HERC2: variants seen among roughly 807,000 people sequenced by gnomAD.
HERC2 encodes E3 ubiquitin-protein ligase HERC2.
In HERC2, 102 loss-of-function variants were observed where a neutral mutation model predicts 537.7. The observed-to-expected ratio is 0.19, with a 90% confidence interval of 0.16 to 0.22. The LOEUF is 0.22. HERC2 is among the 10% of genes least tolerant of loss of function. The pLI, the probability that HERC2 is intolerant of heterozygous loss-of-function variation, is 1.00. For synonymous variants in HERC2, 2,224 were observed against 2,466.2 expected (o/e 0.90, Z 2.91); for missense variants, 4,236 against 6,198.2 (o/e 0.68, Z 10.63).
chr15:28,164,510 T>C (rs1384390809), intron 68 of HERC2, among the ~76,000 whole-genome samples: 1 of 151,972 alleles, frequency 6.6e-6, no homozygotes, highest in Non-Finnish European at 1.5e-5. Context: ...AGAATATCTT[T>C]AGTCTTGAGA....
chr15:28,301,174 G>A (rs1458387122), intron 2 of HERC2, among the ~76,000 whole-genome samples: 1 of 151,854 alleles, frequency 6.6e-6, no homozygotes, highest in African/African-American at 2.4e-5. Context: ...TAGCATTTTG[G>A]GAGGCTGAGG....
intron 19 of HERC2, among the ~76,000 whole-genome samples, chr15:28,255,111 G>A (rs1279400467): frequency 6.6e-6 from 1 of 152,136 alleles, no homozygotes; most frequent in African/African-American, 2.4e-5. Flanking sequence ...CAAGGTGGGG[G>A]GATCACTGGA....
At chr15:28,190,200 T>C (rs1214927372) in intron 55 of HERC2, 1 of 147,714 alleles carries the variant, frequency 6.8e-6, no homozygotes, top group Non-Finnish European at 1.5e-5. Flanking sequence ...TTTTTTTTTT[T>C]AGTAGAGACG....
Position 28,274,314 on chromosome 15 carries a change from C to T in HERC2, c.777G>A (p.Arg259=). 6.2e-7 allele frequency: 1 copy of T among 1,614,210 alleles called. No individual in the cohort carries two copies. ...VWLEVVERAT[R]FLRSVVTGDV... is the part of the protein sequence containing the mutation. ...ACCCCGTCACGACGGACCTGAGGAA[C>T]CTGGTCGCTCTCTCCACCACCTCCA... The change falls in exon 7 of 93, where the codon AGG becomes AGA. Residue 259 remains arginine, a synonymous_variant. Transcript: ENST00000261609.
chr15:28,194,117 G>A (rs1897110948), intron 52 of HERC2, among the ~76,000 whole-genome samples: 1 of 150,358 alleles, frequency 6.7e-6, no homozygotes. Context: ...CCAGGCTGGA[G>A]TGCAGTGGCA....
At chr15:28,273,977 G>A (rs2075805396) in intron 7 of HERC2, among the ~76,000 whole-genome samples, 1 of 152,158 alleles carries the variant, frequency 6.6e-6, no homozygotes, top group South Asian at 2.1e-4. Context: ...CAGAACAGCA[G>A]CTCCTAATCA....
intron 2 of HERC2, among the ~76,000 whole-genome samples, chr15:28,303,995 G>T (rs1185506228): frequency 6.6e-6 from 1 of 151,864 alleles, no homozygotes; most frequent in African/African-American, 2.4e-5. Context: ...GTGAAACCCT[G>T]TCTCTACTAA....
chr15:28,116,994 G>A lies in HERC2; in HGVS notation c.13414+19C>T, dbSNP rs780191675. Reference sequence around the variant, plus strand: ...CACTGCCGGGGACACAGGTGCTCCAGCACGTGGCAAGTTCTCACCCACAAA... The same window carrying A: ...CACTGCCGGGGACACAGGTGCTCCAACACGTGGCAAGTTCTCACCCACAAA... On this transcript the variant is annotated intron_variant, in intron 87 of 92. Coordinates refer to ENST00000261609, the MANE Select transcript of HERC2 (RefSeq NM_004667.6). 1 of 1,613,994 alleles carries A rather than the reference G, an allele frequency of 6.2e-7. No individual in the cohort carries two copies. Among genetic ancestry groups the A allele is most frequent in the East Asian group, 2.2e-5 (1 of 44,866 alleles).
chr15:28,225,696 C>CAAAAAAAAAAAAAAAAAAAAAA (rs35629645), intron 35 of HERC2, among the ~76,000 whole-genome samples: 1 of 58,828 alleles, frequency 1.7e-5, no homozygotes, highest in African/African-American at 5.8e-5. Context: ...GACTCCGTCT[C>CAAAAAAAAAAAAAAAAAAAAAA]AAAAAAAAAA....
At chr15:28,173,844 T>C (rs969631528) in intron 65 of HERC2, among the ~76,000 whole-genome samples, 1 of 144,094 alleles carries the variant, frequency 6.9e-6, no homozygotes, top group African/African-American at 2.6e-5. Flanking sequence ...AAAGAAAACA[T>C]GCAAACTGAT....
Position 28,152,827 on chromosome 15 carries a change from C to T in HERC2, c.10750G>A (p.Ala3584Thr), listed in dbSNP as rs1892592526. Residue 3584 changes from alanine (A) to threonine (T), a missense_variant, in exon 70 of 93, where the codon GCA (alanine) becomes ACA (threonine). Ala to Thr is a moderately conservative substitution (Grantham distance 58). This residue lies in a region of HERC2 where 356 missense variants were observed against 450.9 expected (regional missense o/e 0.79). Coordinates refer to ENST00000261609, the MANE Select transcript of HERC2 (RefSeq NM_004667.6). ...ACACAGAGCTCCAACAGCATATCTG[C>T]CACCTGGAGAGGAAGCAAGGACATG... Reference protein sequence around the residue: ...SGMGTAYPQVADMLLELCVTE... With the variant: ...SGMGTAYPQVTDMLLELCVTE... The T allele has an allele frequency of 1.9e-6, 3 of 1,562,022 alleles. No individual in the cohort carries two copies. Among genetic ancestry groups the T allele is most frequent in the Non-Finnish European group, 1.7e-6 (2 of 1,152,538 alleles).
At chr15:28,125,376 T>C (rs775894923) in intron 83 of HERC2, among the ~76,000 whole-genome samples, 183 bp from the exon 84 acceptor site, 32 of 152,196 alleles carry the variant, frequency 2.1e-4, no homozygotes, top group Admixed American at 4.6e-4. Flanking sequence ...TAAACATGAA[T>C]ACATGCTAAT....
At position 28,288,644 on chromosome 15, in the gene HERC2, A is replaced by C. The variant is rs371556289; in HGVS notation, c.322+4244T>G. ...GTGGATCACCTAAGGTCAGGAGTTCAAGGCGAGCCTGGCAAACACAGTGAA... is the reference window on the plus strand; with the variant it reads ...GTGGATCACCTAAGGTCAGGAGTTCCAGGCGAGCCTGGCAAACACAGTGAA... On this transcript the variant is annotated intron_variant, in intron 4 of 92. Coordinates refer to ENST00000261609, the MANE Select transcript of HERC2 (RefSeq NM_004667.6). Among the ~76,000 whole-genome samples, 18 of 150,532 alleles carry C rather than the reference A, an allele frequency of 1.2e-4. 2 individuals are homozygous for C. The South Asian group carries it at 2.7e-3, about 23-fold the overall frequency.
chr15:28,205,023 G>A (rs74005646), intron 45 of HERC2, among the ~76,000 whole-genome samples: 2,342 of 152,072 alleles, frequency 0.015, 57 homozygotes, highest in African/African-American at 0.054. Context: ...CAAGGAGGAC[G>A]GTGGGGTGGG....
At chr15:28,294,599 G>A (rs913166785) in intron 3 of HERC2, among the ~76,000 whole-genome samples, 39 of 150,670 alleles carry the variant, frequency 2.6e-4, no homozygotes, top group Admixed American at 6.0e-4. Context: ...CCTCCTTATC[G>A]CGGAAACCCG....
intron 4 of HERC2, among the ~76,000 whole-genome samples, chr15:28,285,546 T>G (rs555044066): frequency 1.3e-5 from 2 of 151,786 alleles, no homozygotes; most frequent in Non-Finnish European, 2.9e-5. Context: ...AGAGCTACAG[T>G]GGGTGATGAG....
In HERC2 at chr15:28,162,307, C is replaced by T. The variant is rs200659600; in HGVS notation, c.10746+787G>A. ...GAGATTGCGCCACCGCACTCCAGCC[C>T]GGGTGAAGGAGACTGTCTCAAAAAC... On this transcript the variant is annotated intron_variant, in intron 69 of 92. Transcript: ENST00000261609. Among the ~76,000 whole-genome samples the T allele has an allele frequency of 3.7e-4, 56 of 152,130 alleles. No individual in the cohort carries two copies. In the East Asian group the frequency reaches 6.4e-3, roughly 17 times the overall value.
In HERC2 at chr15:28,132,235, C is replaced by G. The variant is rs775067451; in HGVS notation, c.12435G>C (p.Val4145=). 1 of 1,612,894 alleles carries G rather than the reference C, an allele frequency of 6.2e-7. No homozygotes were observed. The highest frequency in any genetic ancestry group is 8.5e-7 in the Non-Finnish European group (1 of 1,179,124). ...KLVEALQGHR[V]VDIACGSGDA... ...CTCCACTGCCACAGGCGATGTCAAC[C>G]ACACGGTGGCCCTGCAGCGCCTCCA... Residue 4145 remains valine (V), a synonymous_variant, in exon 81 of 93, where the codon GTG becomes GTC. Coordinates refer to ENST00000261609, the MANE Select transcript of HERC2 (RefSeq NM_004667.6).
intron 69 of HERC2, among the ~76,000 whole-genome samples, chr15:28,153,456 C>T (rs1305638223): frequency 3.3e-5 from 5 of 151,946 alleles, no homozygotes; most frequent in African/African-American, 1.2e-4. Context: ...GAGTTCAAGA[C>T]CAGCCTGGCC....
Sources: gnomAD v4.1 joint callset for allele counts (sites outside exome capture counted in the v4.1 genomes callset) on GRCh38, gnomAD v4.1.1 for gene constraint, gnomAD v4.1.1 regional missense constraint, MANE v1.5 for transcripts, NCBI Gene and HGNC (gene_info 2026-07-23, HGNC 2026-07-21) for gene names.